Variants in LRRK1 observed in about 807,000 individuals in gnomAD.
LRRK1 encodes leucine-rich repeat serine/threonine-protein kinase 1.
Under a neutral mutation model 209.1 loss-of-function variants are expected in LRRK1, and 113 were observed. The ratio of observed to expected loss-of-function variants is 0.54; its 90% confidence interval spans 0.46 to 0.63. The LOEUF is 0.63. Among genes scored for constraint, LRRK1 ranks in the 30% least tolerant of loss-of-function variants. The pLI, the probability that LRRK1 is intolerant of heterozygous loss-of-function variation, is 0.00. For synonymous variants in LRRK1, 1,144 were observed against 1,099.7 expected, an observed-to-expected ratio of 1.04 and a Z score of -0.80; for missense variants, 2,284 against 2,632.2, an observed-to-expected ratio of 0.87 and a Z score of 2.89.
At chr15:101,034,244 A>C (rs2034407074) in intron 20 of LRRK1, among the ~76,000 whole-genome samples, 2 of 152,192 alleles carry the variant, frequency 1.3e-5, no homozygotes, top group Admixed American at 1.3e-4. Context: ...TGCAGTGAAG[A>C]AGCCATTTAG....
At chr15:101,011,966 G>A in intron 9 of LRRK1, 42 bp from the exon 10 acceptor site, 4 of 1,466,022 alleles carry the variant, frequency 2.7e-6, no homozygotes, top group Non-Finnish European at 3.7e-6. Context: ...TGCATTTAAA[G>A]AGCTAACTAA....
chr15:101,034,180 T>G (rs1267499058), intron 20 of LRRK1, among the ~76,000 whole-genome samples: 1 of 152,220 alleles, frequency 6.6e-6, no homozygotes, highest in Non-Finnish European at 1.5e-5. Context: ...ATGAATACTT[T>G]GCAAATATTT....
Position 101,010,589 on chromosome 15 carries a change from C to T in LRRK1, c.1117+12C>T, listed in dbSNP as rs2033182231. 6.2e-7 allele frequency: 1 copy of T among 1,608,986 alleles called. No homozygotes were observed. Among genetic ancestry groups the T allele is most frequent in the Admixed American group, 1.7e-5 (1 of 59,192 alleles). The stretch of plus-strand genomic sequence containing the variant: ...CGAAGAAGAAAATGGTATGTTTTCT[C>T]ATCAACTTGAGTGAATTAGTCATTT... On this transcript the variant is annotated intron_variant, in intron 8 of 33. Coordinates refer to ENST00000388948, the MANE Select transcript of LRRK1 (RefSeq NM_024652.6).
intron 21 of LRRK1, among the ~76,000 whole-genome samples, chr15:101,047,356 C>A (rs748540155): frequency 6.6e-6 from 1 of 152,144 alleles, no homozygotes; most frequent in African/African-American, 2.4e-5. Context: ...AAGGAGTGGG[C>A]GCAGGCGCTG....
intron 30 of LRRK1, 133 bp from the exon 31 acceptor site, chr15:101,062,441 A>G: frequency 1.5e-6 from 1 of 667,962 alleles, no homozygotes; most frequent in South Asian, 1.8e-5. Context: ...ACCCACCAGA[A>G]CGTGTCAATC....
rs2033770483 is a variant in LRRK1, at chr15:101,021,224, C to T, written c.1739+42C>T. ...AGGGGCCGTGCTGGCTCTGCTGGCC[C>T]AGAGAGGCAGAACGCCCATCCCTAA... On this transcript the variant is annotated intron_variant, in intron 13 of 33. Coordinates refer to ENST00000388948, the MANE Select transcript of LRRK1 (RefSeq NM_024652.6). 7 of 1,609,098 alleles carry T rather than the reference C, an allele frequency of 4.4e-6. No homozygotes were observed. The East Asian group carries it at 1.3e-4, about 31-fold the overall frequency.
intron 29 of LRRK1, 103 bp downstream of exon 29, chr15:101,058,244 C>T: frequency 8.2e-7 from 1 of 1,212,726 alleles, no homozygotes; most frequent in South Asian, 1.4e-5. Flanking sequence ...AATTATTTAG[C>T]AGACGGTAGG....
chr15:101,005,191 G>T (rs1009500626), intron 6 of LRRK1, among the ~76,000 whole-genome samples: 1 of 152,172 alleles, frequency 6.6e-6, no homozygotes, highest in African/African-American at 2.4e-5. Flanking sequence ...AGGCAGACAG[G>T]CCCTGTGGAG....
Position 101,019,006 on chromosome 15 carries a change from T to A in LRRK1, c.1610-2047T>A, listed in dbSNP as rs545216352. ...TTTGTGCAGTGGCCTCATCCAAAAA[T>A]AATTTGGATGGCCGTTTTTACGGTA... is the stretch of plus-strand genomic sequence containing the variant. On this transcript the variant is annotated intron_variant, in intron 12 of 33. Coordinates refer to ENST00000388948, the MANE Select transcript of LRRK1 (RefSeq NM_024652.6). Among the ~76,000 whole-genome samples the A allele has an allele frequency of 2.0e-5, 3 of 152,304 alleles. No individual in the cohort carries two copies. The South Asian group carries it at 6.2e-4, about 32-fold the overall frequency.
intron 2 of LRRK1, among the ~76,000 whole-genome samples, chr15:100,967,290 G>A (rs541883328): frequency 3.9e-5 from 6 of 152,252 alleles, no homozygotes; most frequent in East Asian, 1.9e-4. Context: ...GCCTTTTCCC[G>A]ATTCCTCTTT....
intron 2 of LRRK1, among the ~76,000 whole-genome samples, chr15:100,926,379 G>C (rs530776294): frequency 6.6e-6 from 1 of 152,106 alleles, no homozygotes; most frequent in Non-Finnish European, 1.5e-5. Flanking sequence ...CCTGAGGGAC[G>C]AGGGTGGGGA....
rs1212856244 is a variant in LRRK1, at chr15:101,054,089, C to T, written c.4054+669C>T. 2.6e-5 allele frequency among the ~76,000 whole-genome samples: 4 copies of T among 152,248 alleles called. No individual in the cohort carries two copies. The East Asian group carries it at 7.7e-4, about 29-fold the overall frequency. ...GACCTCCTGAACTCAAGCCATCCTC[C>T]CACCGCAACTTCCCGAGTAGCTACA... is the stretch of plus-strand genomic sequence containing the variant. On this transcript the variant is annotated intron_variant, in intron 26 of 33. Coordinates refer to ENST00000388948, the MANE Select transcript of LRRK1 (RefSeq NM_024652.6).
chr15:101,047,059 A>T lies in LRRK1; in HGVS notation c.3135+907A>T, dbSNP rs11636119. Among the ~76,000 whole-genome samples, 2 of 152,100 alleles carry T rather than the reference A, an allele frequency of 1.3e-5. 1 individual carries two copies. The highest frequency in any genetic ancestry group is 4.1e-4 in the South Asian group (2 of 4,832). On this transcript the variant is annotated intron_variant, in intron 21 of 33. Transcript: ENST00000388948. ...CCCGCACTGGTTTTCACAACCCTCC[A>T]GGGGATTCTGACACACTTTTGGTTT...
chr15:100,982,064 C>T (rs1027923703), intron 3 of LRRK1, among the ~76,000 whole-genome samples: 1 of 149,716 alleles, frequency 6.7e-6, no homozygotes, highest in Non-Finnish European at 1.5e-5. Context: ...GGGCACTCGC[C>T]ATCCCTGGCA....
At chr15:100,962,539 A>C (rs2030062649) in intron 2 of LRRK1, among the ~76,000 whole-genome samples, 1 of 151,748 alleles carries the variant, frequency 6.6e-6, no homozygotes, top group Non-Finnish European at 1.5e-5. Flanking sequence ...TAAATAAATA[A>C]ATAAATAAAA....
chr15:101,008,676 G>T (rs967578655), intron 6 of LRRK1, among the ~76,000 whole-genome samples, 161 bp from the exon 7 acceptor site: 3 of 152,228 alleles, frequency 2.0e-5, no homozygotes, highest in African/African-American at 7.2e-5. Context: ...CCACCACCGT[G>T]GCAGGTGCCG....
Position 101,069,932 on chromosome 15 carries a change from G to GTCAAGAGTTACCCTTT in LRRK1, c.*1085_*1100dup, listed in dbSNP as rs2036727716. The GTCAAGAGTTACCCTTT allele has an allele frequency of 6.6e-6, 1 of 152,168 alleles. No homozygotes were observed. Among genetic ancestry groups the GTCAAGAGTTACCCTTT allele is most frequent in the Non-Finnish European group, 1.5e-5 (1 of 68,020 alleles). 9.4% of individuals were successfully genotyped at this position (152,168 alleles called of 1,614,324 possible). A position where few individuals can be genotyped will look rare whatever the true frequency, so the allele number is the denominator to read the frequency against. ...CATGTGCAAACATAGCCACTTTTTT[G>GTCAAGAGTTACCCTTT]TCAAGAGTTACCCTTTGGGGCTCCT... On this transcript the variant is annotated 3_prime_UTR_variant, in exon 34 of 34. Coordinates refer to ENST00000388948, the MANE Select transcript of LRRK1 (RefSeq NM_024652.6).
intron 9 of LRRK1, 123 bp downstream of exon 9, chr15:101,010,960 C>T (rs1009635828): frequency 3.0e-5 from 24 of 787,420 alleles, no homozygotes; most frequent in South Asian, 1.3e-4. Context: ...TAGAAGGGCC[C>T]GGTTCCCACA....
Position 101,049,800 on chromosome 15 carries a change from G to C in LRRK1, c.3439+17G>C, listed in dbSNP as rs772947228. 1 of 1,608,698 alleles carries C rather than the reference G, an allele frequency of 6.2e-7. No homozygotes were observed. The highest frequency in any genetic ancestry group is 8.5e-7 in the Non-Finnish European group (1 of 1,177,282). ...GGTTTCCCGGTAAGAGGAGATGCTA[G>C]AAGCAAGCCCTCATTCATGCTAATA... On this transcript the variant is annotated intron_variant, in intron 23 of 33. Transcript: ENST00000388948.
Sources: gnomAD v4.1 joint callset for allele counts (sites outside exome capture counted in the v4.1 genomes callset) on GRCh38, gnomAD v4.1.1 for gene constraint, MANE v1.5 for transcripts, NCBI Gene and HGNC (gene_info 2026-07-23, HGNC 2026-07-21) for gene names.